CNTN5: variants seen among roughly 807,000 people sequenced by gnomAD.
CNTN5 encodes the protein contactin-5.
Under a neutral mutation model 129.1 loss-of-function variants are expected in CNTN5, and 77 were observed. The ratio of observed to expected loss-of-function variants is 0.60; its 90% CI spans 0.50 to 0.72. The LOEUF (loss-of-function observed/expected upper bound fraction) is 0.72, where lower values mean the gene tolerates loss of function less well. Among genes scored for constraint, CNTN5 ranks in the 30% least tolerant of loss-of-function variants. The probability of loss-of-function intolerance (pLI) is 0.00; values close to 1 mark genes in which losing one functional copy is unlikely to be tolerated. For missense variants in CNTN5, 1,478 were observed against 1,328.8 expected (o/e 1.11, Z -1.75); for synonymous variants, 509 against 465.6 (o/e 1.09, Z -1.20).
rs188499034 is a variant in CNTN5, at chr11:99,941,595, G to A, written c.674-15211G>A. Among the ~76,000 whole-genome samples, 474 of 70,940 alleles carry A rather than the reference G, an allele frequency of 6.7e-3. 2 individuals are homozygous for A. The highest frequency in any genetic ancestry group is 0.015 in the Admixed American group (119 of 7,696). 46.5% of individuals were successfully genotyped at this position (70,940 alleles called of 152,430 possible). ...AAACACACACACACACAAAGAGAAA[G>A]AGAGATAGATAGAGATTGATTAGAT... On this transcript the variant is annotated intron_variant, in intron 7 of 24. Coordinates refer to ENST00000524871, the MANE Select transcript of CNTN5 (RefSeq NM_014361.4).
chr11:99,807,487 G>T (rs1467294115), intron 3 of CNTN5, among the ~76,000 whole-genome samples: 1 of 152,110 alleles, frequency 6.6e-6, no homozygotes, highest in Non-Finnish European at 1.5e-5. Context: ...AAGGACATTT[G>T]TAACAGAGTT....
chr11:99,143,158 C>T (rs1331685570), intron 1 of CNTN5, among the ~76,000 whole-genome samples: 2 of 151,860 alleles, frequency 1.3e-5, no homozygotes, highest in Non-Finnish European at 2.9e-5. Flanking sequence ...GACATTAAGG[C>T]AGAAATCTTT....
intron 3 of CNTN5, among the ~76,000 whole-genome samples, chr11:99,631,908 G>A (rs912915232): frequency 2.0e-5 from 3 of 152,152 alleles, no homozygotes; most frequent in African/African-American, 4.8e-5. Flanking sequence ...GACCACATTC[G>A]TGTAACTTTT....
chr11:99,954,193 A>T (rs958746322), intron 7 of CNTN5, among the ~76,000 whole-genome samples: 1 of 152,194 alleles, frequency 6.6e-6, no homozygotes, highest in East Asian at 1.9e-4. Context: ...AAAAAAATTG[A>T]TCCTAAGTAG....
At chr11:100,135,439 T>G (rs1271897853) in intron 13 of CNTN5, among the ~76,000 whole-genome samples, 1 of 152,062 alleles carries the variant, frequency 6.6e-6, no homozygotes, top group Admixed American at 6.6e-5. Flanking sequence ...CCTCCCACAG[T>G]GCTGGGATTA....
intron 6 of CNTN5, among the ~76,000 whole-genome samples, chr11:99,880,907 A>T (rs914241273): frequency 6.6e-6 from 1 of 152,128 alleles, no homozygotes; most frequent in African/African-American, 2.4e-5. Context: ...TTTAATATTT[A>T]AAAAAATTGT....
Position 99,844,964 on chromosome 11 carries a change from T to G in CNTN5, c.390T>G (p.Val130=), listed in dbSNP as rs181669834. 1.9e-6 allele frequency: 3 copies of G among 1,613,358 alleles called. No individual in the cohort carries two copies. Among genetic ancestry groups the G allele is most frequent in the Non-Finnish European group, 2.5e-6 (3 of 1,179,708 alleles). The change falls in exon 5 of 25, where the codon GTT becomes GTG. Residue 130 remains valine (V), a synonymous_variant. Transcript: ENST00000524871. ...ATTGTGAAGTTCGTGGCAATCCAGT[T>G]CCCAGTTACAGGTAGGAATTCACTG... ...ALNCEVRGNP[V]PSYRWLRNGT...
Position 99,735,749 on chromosome 11 carries a change from C to T in CNTN5, c.56-83795C>T, listed in dbSNP as rs185373542. On this transcript the variant is annotated intron_variant, in intron 3 of 24. Coordinates refer to ENST00000524871, the MANE Select transcript of CNTN5 (RefSeq NM_014361.4). ...TATATACCTTGTGTATCACCAGAAA[C>T]TAACATATTCATCACCTCATACGGT... is the stretch of plus-strand genomic sequence containing the variant. Among the ~76,000 whole-genome samples, 713 of 152,244 alleles carry T rather than the reference C, an allele frequency of 4.7e-3. 13 individuals are homozygous for T. Among genetic ancestry groups the T allele is most frequent in the Non-Finnish European group, 3.5e-3 (240 of 68,018 alleles).
intron 6 of CNTN5, among the ~76,000 whole-genome samples, chr11:99,911,325 G>A (rs1054497793): frequency 8.6e-5 from 13 of 151,886 alleles, no homozygotes; most frequent in African/African-American, 2.2e-4. Flanking sequence ...GTATAGCCAC[G>A]AATACCTCAG....
Position 99,517,931 on chromosome 11 carries a change from G to A in CNTN5, c.-70-38214G>A, listed in dbSNP as rs532483603. Among the ~76,000 whole-genome samples the A allele has an allele frequency of 5.3e-5, 8 of 152,134 alleles. No homozygotes were observed. The South Asian group carries it at 1.7e-3, about 32-fold the overall frequency. ...TAGCATATTTCTTGGGACATCATAG[G>A]CATTGTATTTCTTATTTTGTTTGTA... On this transcript the variant is annotated intron_variant, in intron 2 of 24. Coordinates refer to ENST00000524871, the MANE Select transcript of CNTN5 (RefSeq NM_014361.4).
intron 1 of CNTN5, among the ~76,000 whole-genome samples, chr11:99,199,830 T>C (rs1230583537): frequency 1.3e-5 from 2 of 152,176 alleles, no homozygotes; most frequent in Non-Finnish European, 2.9e-5. Flanking sequence ...AGGATGTGGA[T>C]TCGGGGAGAG....
chr11:99,208,978 C>T (rs1406265825), intron 1 of CNTN5, among the ~76,000 whole-genome samples: 2 of 151,718 alleles, frequency 1.3e-5, no homozygotes, highest in African/African-American at 4.8e-5. Context: ...AGAATAGAGG[C>T]CTATTTAATA....
chr11:99,502,274 T>C (rs925904587), intron 2 of CNTN5, among the ~76,000 whole-genome samples: 1 of 152,192 alleles, frequency 6.6e-6, no homozygotes, highest in African/African-American at 2.4e-5. Context: ...CTTTTTCAAA[T>C]ATTTCAAATA....
At chr11:100,082,192 T>C (rs1857378329) in intron 13 of CNTN5, among the ~76,000 whole-genome samples, 1 of 152,196 alleles carries the variant, frequency 6.6e-6, no homozygotes, top group Non-Finnish European at 1.5e-5. Context: ...GAAAGCATTC[T>C]AAATCATGGT....
rs191454858 is a variant in CNTN5 at position 99,378,874 on chromosome 11, A to G, written c.-71+53390A>G. The stretch of plus-strand genomic sequence containing the variant: ...AACATATTATAATAGTTGCTTTTAG[A>G]TAAGAATATGGCAATGGGAGAGTGA... On this transcript the variant is annotated intron_variant, in intron 2 of 24. Transcript: ENST00000524871. 8.5e-5 allele frequency among the ~76,000 whole-genome samples: 13 copies of G among 152,254 alleles called. No homozygotes were observed. In the East Asian group the frequency reaches 2.3e-3, roughly 27 times the overall value.
At chr11:100,006,646 T>A (rs1402960248) in intron 9 of CNTN5, among the ~76,000 whole-genome samples, 1 of 152,152 alleles carries the variant, frequency 6.6e-6, no homozygotes, top group Non-Finnish European at 1.5e-5. Flanking sequence ...TTTCATCACA[T>A]CTGCATTTAC....
At chr11:99,503,941 C>A (rs935245363) in intron 2 of CNTN5, among the ~76,000 whole-genome samples, 8 of 151,976 alleles carry the variant, frequency 5.3e-5, no homozygotes, top group Non-Finnish European at 1.2e-4. Context: ...GTATTTGTAA[C>A]AAAAATCTTA....
At chr11:100,291,812 A>T (rs1006295528) in intron 18 of CNTN5, among the ~76,000 whole-genome samples, 39 of 150,308 alleles carry the variant, frequency 2.6e-4, no homozygotes, top group African/African-American at 6.1e-4. Context: ...ATAAAAAATT[A>T]AAAAAAGGAA....
chr11:100,279,784 A>G (rs899628808), intron 18 of CNTN5, among the ~76,000 whole-genome samples: 1 of 149,572 alleles, frequency 6.7e-6, no homozygotes, highest in Non-Finnish European at 1.5e-5. Context: ...TGTTTTCTTC[A>G]TTTCATTTAT....
Sources: allele counts gnomAD v4.1 joint callset (sites outside exome capture counted in the v4.1 genomes callset), GRCh38; gene constraint gnomAD v4.1.1; transcripts MANE v1.5; gene names NCBI Gene and HGNC (gene_info 2026-07-23, HGNC 2026-07-21).